Variants in SLC39A8 observed in about 807,000 individuals in gnomAD.
SLC39A8 encodes solute carrier family 39 member 8.
Under a neutral mutation model 40.4 loss-of-function variants are expected in SLC39A8, and 15 were observed. That is an observed-to-expected ratio of 0.37 (90% CI 0.25 to 0.57). The LOEUF (loss-of-function observed/expected upper bound fraction) is 0.57, where lower values mean the gene tolerates loss of function less well. SLC39A8 is among the 20% of genes least tolerant of loss of function. The pLI, the probability that SLC39A8 is intolerant of heterozygous loss-of-function variation, is 0.75. For synonymous variants in SLC39A8, 223 were observed against 221.6 expected, an observed-to-expected ratio of 1.01 and a Z score of -0.06; for missense variants, 472 against 558.8, an observed-to-expected ratio of 0.84 and a Z score of 1.57.
At chr4:102,291,537 G>A (rs1000658731) in intron 6 of SLC39A8, among the ~76,000 whole-genome samples, 1 of 151,924 alleles carries the variant, frequency 6.6e-6, no homozygotes, top group Non-Finnish European at 1.5e-5. Context: ...TCTGAGCCAG[G>A]GCAATGCAAA....
rs564624105 is a variant in SLC39A8, at chr4:102,310,057, G to A, written c.383-2452C>T. 4.0e-5 allele frequency among the ~76,000 whole-genome samples: 6 copies of A among 151,774 alleles called. No homozygotes were observed. The East Asian group carries it at 5.8e-4, about 15-fold the overall frequency. On this transcript the variant is annotated intron_variant, in intron 3 of 8. Transcript: ENST00000356736. ...TCATCTCATGCCCCCATTTGAAATC[G>A]CCCCTCATAAACTGACCCTTGCACA...
chr4:102,320,968 C>T (rs777735887), intron 2 of SLC39A8, among the ~76,000 whole-genome samples: 1 of 151,642 alleles, frequency 6.6e-6, no homozygotes, highest in African/African-American at 2.4e-5. Context: ...TAACTCCTTC[C>T]TTTATTCTAC....
intron 2 of SLC39A8, among the ~76,000 whole-genome samples, chr4:102,323,641 C>A (rs1735059858): frequency 6.6e-6 from 1 of 152,194 alleles, no homozygotes; most frequent in South Asian, 2.1e-4. Context: ...ACACGTATAA[C>A]CTCTTTAATC....
chr4:102,259,437 GTTCC>G (rs565552411), downstream of SLC39A8: 149 of 1,508,722 alleles, frequency 9.9e-5, no homozygotes, highest in African/African-American at 1.8e-3. Context: ...CATTAAAATT[GTTCC>G]TTGTTATTCT....
intron 2 of SLC39A8, among the ~76,000 whole-genome samples, chr4:102,328,961 G>A (rs868672472): frequency 6.6e-6 from 1 of 151,512 alleles, no homozygotes; most frequent in South Asian, 2.1e-4. Context: ...CCGGGAGGCG[G>A]AGCTTGCAGT....
Position 102,315,837 on chromosome 4 carries a change from T to C in SLC39A8, c.220-7A>G. ...TCTCTTCAGCAGTTAAACACTGAAA[T>C]AGAATAAACAAAAAAAAAATGTGAT... On this transcript the variant is annotated splice_polypyrimidine_tract_variant and splice_region_variant and intron_variant, in intron 2 of 8. Transcript: ENST00000356736. 1.3e-6 allele frequency: 2 copies of C among 1,591,916 alleles called. No individual in the cohort carries two copies. Among genetic ancestry groups the C allele is most frequent in the South Asian group, 1.1e-5 (1 of 87,102 alleles).
At chr4:102,271,585 CA>C (rs1732366098) in intron 6 of SLC39A8, among the ~76,000 whole-genome samples, 1 of 152,152 alleles carries the variant, frequency 6.6e-6, no homozygotes, top group African/African-American at 2.4e-5. Flanking sequence ...TATCACTGTC[CA>C]ACAGGGCAAG....
At chr4:102,315,627 T>C (rs1466062941) in intron 3 of SLC39A8, 41 bp downstream of exon 3, 5 of 1,558,602 alleles carry the variant, frequency 3.2e-6, no homozygotes, top group South Asian at 1.2e-5. Context: ...CAATGGTTCA[T>C]AGACTTTTCA....
chr4:102,261,921 C>T lies in SLC39A8; in HGVS notation c.*1123G>A. 1 of 985,640 alleles carries T rather than the reference C, an allele frequency of 1.0e-6. No individual in the cohort carries two copies. Among genetic ancestry groups the T allele is most frequent in the Non-Finnish European group, 1.2e-6 (1 of 829,694 alleles). 61.1% of individuals were successfully genotyped at this position (985,640 alleles called of 1,614,324 possible). A position where few individuals can be genotyped will look rare whatever the true frequency, so the allele number is the denominator to read the frequency against. On this transcript the variant is annotated 3_prime_UTR_variant, in exon 9 of 9. Transcript: ENST00000356736. Reference sequence around the variant, plus strand: ...GGATGTTCAATTTTAGACCAATTTTCTCTATCTTCTAAATGAGTAAACAGG... The same window carrying T: ...GGATGTTCAATTTTAGACCAATTTTTTCTATCTTCTAAATGAGTAAACAGG...
chr4:102,253,186 A>C, exon 12 of SLC39A8: 1 of 388,180 alleles, frequency 2.6e-6, no homozygotes, highest in Non-Finnish European at 4.6e-6. Context: ...GCGGCGGGGA[A>C]CACAATTAGA....
intron 2 of SLC39A8, among the ~76,000 whole-genome samples, chr4:102,337,719 C>T (rs547271379): frequency 1.3e-5 from 2 of 152,268 alleles, no homozygotes; most frequent in African/African-American, 4.8e-5. Context: ...CCAGAAGAGA[C>T]AGTGGATTCA....
At chr4:102,276,901 C>T (rs1352219478) in intron 6 of SLC39A8, among the ~76,000 whole-genome samples, 1 of 152,108 alleles carries the variant, frequency 6.6e-6, no homozygotes, top group Non-Finnish European at 1.5e-5. Context: ...ATGATTATCT[C>T]GATAGATGCA....
At chr4:102,306,804 A>G (rs948924367) in intron 4 of SLC39A8, among the ~76,000 whole-genome samples, 30 of 151,838 alleles carry the variant, frequency 2.0e-4, no homozygotes, top group Admixed American at 4.6e-4. Context: ...TCTTCCTTAT[A>G]TGGGCACAAC....
At chr4:102,307,682 TA>T in intron 3 of SLC39A8, 77 bp from the exon 4 acceptor site, 1 of 1,414,248 alleles carries the variant, frequency 7.1e-7, no homozygotes, top group Non-Finnish European at 9.7e-7. Flanking sequence ...ACATTAAGCT[TA>T]AAAGTGTCTT....
chr4:102,302,246 C>T (rs1733953618), intron 6 of SLC39A8, among the ~76,000 whole-genome samples: 1 of 151,904 alleles, frequency 6.6e-6, no homozygotes, highest in Non-Finnish European at 1.5e-5. Context: ...AAGTTAGGCT[C>T]CAAATTTCAT....
chr4:102,286,416 T>TTC (rs1232525629), intron 6 of SLC39A8, among the ~76,000 whole-genome samples: 1 of 152,166 alleles, frequency 6.6e-6, no homozygotes, highest in Non-Finnish European at 1.5e-5. Flanking sequence ...ACCTCACTAA[T>TTC]TCTTCTAAAT....
chr4:102,253,428 T>G, exon 12 of SLC39A8: 1 of 716,450 alleles, frequency 1.4e-6, no homozygotes. Context: ...ATTACTACCT[T>G]GCCTGACAGA....
downstream of SLC39A8, among the ~76,000 whole-genome samples, chr4:102,258,894 C>T (rs1324043370): frequency 1.3e-5 from 2 of 152,166 alleles, no homozygotes; most frequent in African/African-American, 2.4e-5. Context: ...ACCCCTCTTA[C>T]ACAAGATTTT....
chr4:102,311,143 A>C (rs1734408759), intron 3 of SLC39A8, among the ~76,000 whole-genome samples: 1 of 152,092 alleles, frequency 6.6e-6, no homozygotes, highest in Non-Finnish European at 1.5e-5. Context: ...ATTTGTGTTC[A>C]AATCCCAGCT....
Sources: allele counts gnomAD v4.1 joint callset (sites outside exome capture counted in the v4.1 genomes callset), GRCh38; gene constraint gnomAD v4.1.1; transcripts MANE v1.5; gene names NCBI Gene and HGNC (gene_info 2026-07-23, HGNC 2026-07-21).